NEMP2: variants seen among roughly 807,000 people sequenced by gnomAD.
NEMP2 encodes UPF0571 transmembrane protein.
NEMP2 carries 53 observed loss-of-function variants against 54.2 expected under a neutral mutation model. That is an observed-to-expected ratio of 0.98 (90% CI 0.78 to 1.23). The LOEUF is 1.23. Among genes scored for constraint, NEMP2 ranks in the 50% most tolerant of loss-of-function variants. The probability of loss-of-function intolerance (pLI) is 0.00; values close to 1 mark genes in which losing one functional copy is unlikely to be tolerated. For synonymous variants in NEMP2, 197 were observed against 190.3 expected (o/e 1.04, Z -0.29); for missense variants, 455 against 511.3 (o/e 0.89, Z 1.06).
At chr2:190,444,818 A>G in the NEMP2 span, 4 of 645,202 alleles carry the variant, frequency 6.2e-6, no homozygotes, top group African/African-American at 7.9e-5. Context: ...TTCAGAAACA[A>G]GTGTTTCATA....
At chr2:190,589,734 C>T in the NEMP2 span, among the ~76,000 whole-genome samples, 1 of 152,308 alleles carries the variant, frequency 6.6e-6, no homozygotes, top group South Asian at 2.1e-4. The surrounding 1 kb of genome is among the most constrained non-coding windows in gnomAD (Gnocchi z 4.3). Context: ...GGACAGAACT[C>T]AAGCTGTTCT....
At chr2:190,561,551 CT>C in the NEMP2 span, among the ~76,000 whole-genome samples, 5 of 152,122 alleles carry the variant, frequency 3.3e-5, no homozygotes, top group African/African-American at 4.8e-5. This position sits in a 1 kb window ranked among gnomAD's most constrained non-coding sequence, Gnocchi z 5.4. Context: ...GGGCCCACCC[CT>C]AATGACCTCA....
At chr2:190,457,471 A>G in the NEMP2 span, among the ~76,000 whole-genome samples, 1 of 152,212 alleles carries the variant, frequency 6.6e-6, no homozygotes, top group African/African-American at 2.4e-5. The surrounding 1 kb of genome is among the most constrained non-coding windows in gnomAD (Gnocchi z 5.1). Flanking sequence ...AATGTGCACA[A>G]AGCCATTCAA....
the NEMP2 span, among the ~76,000 whole-genome samples, chr2:190,470,850 T>C: frequency 1.3e-5 from 2 of 152,084 alleles, no homozygotes; most frequent in Admixed American, 6.5e-5. Flanking sequence ...AAAGAACTTA[T>C]CCTAATTGAA....
the NEMP2 span, among the ~76,000 whole-genome samples, chr2:190,633,354 C>A: frequency 6.9e-6 from 1 of 145,686 alleles, no homozygotes; most frequent in Non-Finnish European, 1.5e-5. Context: ...GCTCTTGTTG[C>A]CCAGGTTGGA....
At chr2:190,448,178 G>A in the NEMP2 span, among the ~76,000 whole-genome samples, 1 of 152,122 alleles carries the variant, frequency 6.6e-6, no homozygotes, top group African/African-American at 2.4e-5. Flanking sequence ...CAAAGTGTAT[G>A]GTAGACAAGA....
chr2:190,623,449 C>T, the NEMP2 span, among the ~76,000 whole-genome samples: 1 of 152,268 alleles, frequency 6.6e-6, no homozygotes, highest in East Asian at 1.9e-4. Context: ...AATAGAAAGG[C>T]TACTGGCATA....
chr2:190,439,417 G>A, the NEMP2 span, among the ~76,000 whole-genome samples: 13 of 151,794 alleles, frequency 8.6e-5, no homozygotes, highest in Admixed American at 1.3e-4. The surrounding 1 kb of genome is among the most constrained non-coding windows in gnomAD (Gnocchi z 5.8). Flanking sequence ...CGTGCACAAC[G>A]TGCAGATTTG....
chr2:190,509,223 A>G lies in NEMP2; in HGVS notation c.1220T>C (p.Leu407Ser). 1 of 1,551,726 alleles carries G rather than the reference A, an allele frequency of 6.4e-7. No individual in the cohort carries two copies. Among genetic ancestry groups the G allele is most frequent in the South Asian group, 1.2e-5 (1 of 84,054 alleles). ...EEQYGLGGAF[L>S]EEQLFNPSTA ...ACTCGGGTTAAAGAGCTGCTCTTCC[A>G]AGAAGGCACCCCCAAGGCCATACTG... The change falls in exon 9 of 9, where the codon TTG becomes TCG. Residue 407 changes from leucine (L) to serine (S), a missense_variant. Leu to Ser is a moderately radical substitution (Grantham distance 145). This residue lies in a region of NEMP2 where 294 missense variants were observed against 333.6 expected (regional missense o/e 0.88). Transcript: ENST00000409150. The surrounding 1 kb of genome is among the most constrained non-coding windows in gnomAD (Gnocchi z 6.1).
the NEMP2 span, among the ~76,000 whole-genome samples, chr2:190,582,292 C>T: frequency 6.6e-5 from 10 of 152,164 alleles, no homozygotes; most frequent in Admixed American, 1.3e-4. This position sits in a 1 kb window ranked among gnomAD's most constrained non-coding sequence, Gnocchi z 4.6. Context: ...TTTTTCTATG[C>T]TTTGACCCAC....
the NEMP2 span, among the ~76,000 whole-genome samples, chr2:190,562,395 C>T: frequency 8.5e-5 from 13 of 152,178 alleles, no homozygotes; most frequent in Non-Finnish European, 4.4e-5. This position sits in a 1 kb window ranked among gnomAD's most constrained non-coding sequence, Gnocchi z 5.0. Context: ...CATAGAGTGC[C>T]TCACTTCTCC....
the NEMP2 span, among the ~76,000 whole-genome samples, chr2:190,554,085 C>T: frequency 6.6e-6 from 1 of 152,114 alleles, no homozygotes; most frequent in Non-Finnish European, 1.5e-5. The surrounding 1 kb of genome is among the most constrained non-coding windows in gnomAD (Gnocchi z 5.7). Context: ...CTCTCCTAGC[C>T]GAGGGAAGTC....
At chr2:190,490,535 C>T in the NEMP2 span, among the ~76,000 whole-genome samples, 1 of 151,744 alleles carries the variant, frequency 6.6e-6, no homozygotes, top group East Asian at 1.9e-4. The surrounding 1 kb of genome is among the most constrained non-coding windows in gnomAD (Gnocchi z 4.5). Context: ...TGCAGTCCAG[C>T]CTGGGGGAAC....
rs1281866385 is a variant in NEMP2 at position 190,525,216 on chromosome 2, A to G, written c.213+47T>C. On this transcript the variant is annotated intron_variant, in intron 2 of 8. Coordinates refer to ENST00000409150, the MANE Select transcript of NEMP2 (RefSeq NM_001142645.2). This position sits in a 1 kb window ranked among gnomAD's most constrained non-coding sequence, Gnocchi z 5.0. ...GTGGTACATTTCCTGTCCCCAGGAC[A>G]TGGTAATTCTCTGTCCCTAAGACAT... The G allele has an allele frequency of 1.9e-6, 2 of 1,029,132 alleles. No individual in the cohort carries two copies. Among genetic ancestry groups the G allele is most frequent in the Non-Finnish European group, 2.9e-6 (2 of 681,272 alleles). The allele number at this position is 1,029,132 out of a possible 1,614,324, so 63.8% of individuals were successfully genotyped here.
rs1345595708 is a variant in NEMP2, at chr2:190,508,359, G to C, written c.*830C>G. 1 of 152,218 alleles carries C rather than the reference G, an allele frequency of 6.6e-6. No homozygotes were observed. Among genetic ancestry groups the C allele is most frequent in the Non-Finnish European group, 1.5e-5 (1 of 68,048 alleles). 9.4% of individuals were successfully genotyped at this position (152,218 alleles called of 1,614,324 possible). The stretch of plus-strand genomic sequence containing the variant: ...ACATTGTGAGGCCCATGGCTGTAGG[G>C]AGATGGCTCCTAAGCTTGCACCTGA... On this transcript the variant is annotated 3_prime_UTR_variant, in exon 9 of 9. Coordinates refer to ENST00000409150, the MANE Select transcript of NEMP2 (RefSeq NM_001142645.2). This position sits in a 1 kb window ranked among gnomAD's most constrained non-coding sequence, Gnocchi z 4.3.
the NEMP2 span, among the ~76,000 whole-genome samples, chr2:190,590,290 G>A: frequency 1.3e-5 from 2 of 152,170 alleles, no homozygotes; most frequent in Non-Finnish European, 2.9e-5. This position sits in a 1 kb window ranked among gnomAD's most constrained non-coding sequence, Gnocchi z 5.1. Context: ...TTTTGTTCCA[G>A]TTGATCATCC....
Position 190,530,866 on chromosome 2 carries a change from T to C in NEMP2, c.97+3693A>G, listed in dbSNP as rs1691120872. 6.6e-6 allele frequency among the ~76,000 whole-genome samples: 1 copy of C among 152,142 alleles called. No individual in the cohort carries two copies. Among genetic ancestry groups the C allele is most frequent in the South Asian group, 2.1e-4 (1 of 4,836 alleles). On this transcript the variant is annotated intron_variant, in intron 1 of 8. Transcript: ENST00000409150. The surrounding 1 kb of genome is among the most constrained non-coding windows in gnomAD (Gnocchi z 4.6). ...TAGCAGATGTAGGCAAACTCAAATG[T>C]ATCAAAACAACAACGGGCCAGGTGC...
the NEMP2 span, among the ~76,000 whole-genome samples, chr2:190,598,981 C>A: frequency 6.6e-6 from 1 of 152,118 alleles, no homozygotes; most frequent in Non-Finnish European, 1.5e-5. Flanking sequence ...TTTAGTGGCT[C>A]TCTAGGCCCC....
the NEMP2 span, among the ~76,000 whole-genome samples, chr2:190,632,529 G>A: frequency 3.9e-5 from 6 of 152,250 alleles, no homozygotes; most frequent in African/African-American, 9.6e-5. The surrounding 1 kb of genome is among the most constrained non-coding windows in gnomAD (Gnocchi z 4.8). Flanking sequence ...CCTCATTACT[G>A]TTCTCTGATA....
Sources: gnomAD v4.1 joint callset for allele counts (sites outside exome capture counted in the v4.1 genomes callset) on GRCh38, gnomAD v4.1.1 for gene constraint, gnomAD v4.1.1 regional missense constraint, Gnocchi (gnomAD v3.1) non-coding constraint, MANE v1.5 for transcripts, NCBI Gene and HGNC (gene_info 2026-07-23, HGNC 2026-07-21) for gene names.